Variants in RAB3C observed in about 807,000 individuals in gnomAD.
RAB3C encodes the protein RAB3C, member RAS oncogene family, also known as ras-related protein Rab-3C.
In RAB3C, 17 loss-of-function variants were observed where a neutral mutation model predicts 26.4. The observed-to-expected ratio is 0.64, with a 90% CI of 0.44 to 0.97. The LOEUF (loss-of-function observed/expected upper bound fraction) is 0.97. RAB3C is among the 50% of genes least tolerant of loss of function. The pLI, the probability that RAB3C is intolerant of heterozygous loss-of-function variation, is 0.00. For missense variants in RAB3C, 242 were observed against 281.9 expected, an observed-to-expected ratio of 0.86 and a Z score of 1.01; for synonymous variants, 91 against 95.9, an observed-to-expected ratio of 0.95 and a Z score of 0.30.
intron 2 of RAB3C, among the ~76,000 whole-genome samples, chr5:58,649,776 A>T (rs1747604672): frequency 6.6e-6 from 1 of 152,092 alleles, no homozygotes; most frequent in Non-Finnish European, 1.5e-5. Flanking sequence ...GGTGACCAAT[A>T]TTATCTTTCC....
rs1744127866 is a variant in RAB3C, at chr5:58,852,100, T to G, written c.*749T>G. The G allele has an allele frequency of 6.6e-6, 1 of 152,210 alleles. No individual in the cohort carries two copies. The highest frequency in any genetic ancestry group is 2.4e-5 in the African/African-American group (1 of 41,466). 9.4% of individuals were successfully genotyped at this position (152,210 alleles called of 1,614,324 possible). The stretch of plus-strand genomic sequence containing the variant: ...TTTTTCCACTGATCCTTCCCAATTC[T>G]GTGAATATTCAACATCATTGAACAG... On this transcript the variant is annotated 3_prime_UTR_variant, in exon 5 of 5. Coordinates refer to ENST00000282878, the MANE Select transcript of RAB3C (RefSeq NM_138453.4).
chr5:58,788,705 A>G (rs182227222), intron 3 of RAB3C, among the ~76,000 whole-genome samples: 1 of 152,354 alleles, frequency 6.6e-6, no homozygotes, highest in East Asian at 1.9e-4. Flanking sequence ...TCACTTGTGT[A>G]TAATGTTCTT....
chr5:58,842,460 T>C (rs1743896211), intron 4 of RAB3C, among the ~76,000 whole-genome samples: 1 of 152,238 alleles, frequency 6.6e-6, no homozygotes, highest in Non-Finnish European at 1.5e-5. Flanking sequence ...TGCTTTCAGC[T>C]GTGTACAGAC....
chr5:58,650,021 T>C (rs1318558423), intron 2 of RAB3C, among the ~76,000 whole-genome samples: 1 of 152,190 alleles, frequency 6.6e-6, no homozygotes, highest in Non-Finnish European at 1.5e-5. Context: ...ATTTCTGACT[T>C]TCTGCCTTTC....
At chr5:58,752,230 T>TA (rs903874787) in intron 3 of RAB3C, among the ~76,000 whole-genome samples, 1 of 152,136 alleles carries the variant, frequency 6.6e-6, no homozygotes, top group African/African-American at 2.4e-5. Flanking sequence ...CCAGAAGAAA[T>TA]ATTGGCCCTA....
At chr5:58,702,679 C>G (rs1411801598) in intron 2 of RAB3C, among the ~76,000 whole-genome samples, 2 of 151,938 alleles carry the variant, frequency 1.3e-5, no homozygotes, top group East Asian at 3.9e-4. Context: ...TCCTGTTTTC[C>G]TCCCTTTCTC....
At chr5:58,672,554 G>A (rs1388662053) in intron 2 of RAB3C, among the ~76,000 whole-genome samples, 3 of 152,120 alleles carry the variant, frequency 2.0e-5, no homozygotes, top group Non-Finnish European at 4.4e-5. Context: ...ACTCTGAAAG[G>A]TGTCTTTGTC....
At chr5:58,754,887 T>C (rs1741621487) in intron 3 of RAB3C, among the ~76,000 whole-genome samples, 1 of 150,890 alleles carries the variant, frequency 6.6e-6, no homozygotes, top group Non-Finnish European at 1.5e-5. Context: ...TTATTCTCCT[T>C]TTTTTTTTCT....
At chr5:58,601,507 C>T (rs553532665) in intron 1 of RAB3C, among the ~76,000 whole-genome samples, 2 of 152,054 alleles carry the variant, frequency 1.3e-5, no homozygotes, top group South Asian at 4.2e-4. Flanking sequence ...TTTTAATTAC[C>T]ATTTCAATCT....
At chr5:58,805,053 A>G (rs547545538) in intron 3 of RAB3C, among the ~76,000 whole-genome samples, 17 of 152,076 alleles carry the variant, frequency 1.1e-4, no homozygotes, top group African/African-American at 4.1e-4. Flanking sequence ...TGTAAATTTT[A>G]TTTCAGAGCT....
intron 1 of RAB3C, among the ~76,000 whole-genome samples, chr5:58,608,637 T>C (rs1334533356): frequency 6.6e-6 from 1 of 152,154 alleles, no homozygotes; most frequent in Non-Finnish European, 1.5e-5. Flanking sequence ...TGGCAGTTCC[T>C]CAAGGATCTG....
intron 3 of RAB3C, among the ~76,000 whole-genome samples, chr5:58,807,633 G>A (rs1742972664): frequency 1.3e-5 from 2 of 152,068 alleles, no homozygotes; most frequent in Non-Finnish European, 2.9e-5. Context: ...GGAGATTTAT[G>A]TCTCTTCTTA....
intron 3 of RAB3C, among the ~76,000 whole-genome samples, chr5:58,766,195 G>A (rs1488838975): frequency 6.7e-6 from 1 of 148,662 alleles, no homozygotes; most frequent in East Asian, 2.0e-4. Flanking sequence ...TCACCTCACT[G>A]CAACCTCCAC....
At chr5:58,661,082 T>G (rs896919859) in intron 2 of RAB3C, among the ~76,000 whole-genome samples, 1 of 150,188 alleles carries the variant, frequency 6.7e-6, no homozygotes, top group African/African-American at 2.5e-5. Flanking sequence ...CATCTCTTAT[T>G]TTAAGGTCCT....
chr5:58,600,352 A>AT (rs566448442), intron 1 of RAB3C, among the ~76,000 whole-genome samples: 1 of 151,002 alleles, frequency 6.6e-6, no homozygotes. Context: ...GAATTTTAGA[A>AT]TTTTTTTTTC....
chr5:58,591,510 C>G (rs572302608), intron 1 of RAB3C, among the ~76,000 whole-genome samples: 24 of 151,468 alleles, frequency 1.6e-4, no homozygotes, highest in African/African-American at 5.8e-4. Context: ...CAGCAATACT[C>G]CTTGTCTTAA....
At chr5:58,846,944 C>T (rs183430698) in intron 4 of RAB3C, 11 of 152,110 alleles carry the variant, frequency 7.2e-5, no homozygotes, top group African/African-American at 2.7e-4. Flanking sequence ...ATTAGTGTCC[C>T]GCTGTACCTG....
intron 2 of RAB3C, among the ~76,000 whole-genome samples, chr5:58,651,355 G>A (rs1235691197): frequency 1.3e-5 from 2 of 152,116 alleles, no homozygotes; most frequent in African/African-American, 4.8e-5. Context: ...AACTGTTAGT[G>A]GTTCTTTGGA....
At chr5:58,848,852 A>C (rs1330169996) in intron 4 of RAB3C, among the ~76,000 whole-genome samples, 1 of 152,218 alleles carries the variant, frequency 6.6e-6, no homozygotes, top group African/African-American at 2.4e-5. Flanking sequence ...GCTAGATCCC[A>C]CATCTTTTGA....
Sources: gnomAD v4.1 joint callset for allele counts (sites outside exome capture counted in the v4.1 genomes callset) on GRCh38, gnomAD v4.1.1 for gene constraint, MANE v1.5 for transcripts, NCBI Gene and HGNC (gene_info 2026-07-23, HGNC 2026-07-21) for gene names.